The following ADAMTSL3 variants were observed in gnomAD, a reference collection of about 807,000 sequenced individuals.
The protein encoded by ADAMTSL3 is ADAMTS-like protein 3.
In ADAMTSL3, 128 loss-of-function variants were observed where a neutral mutation model predicts 201.7. That is an observed-to-expected ratio of 0.63 (90% confidence interval 0.55 to 0.73). The LOEUF (loss-of-function observed/expected upper bound fraction) is 0.73, where lower values mean the gene tolerates loss of function less well. Among genes scored for constraint, ADAMTSL3 ranks in the 30% least tolerant of loss-of-function variants. The probability of loss-of-function intolerance (pLI) is 0.00; values close to 1 mark genes in which losing one functional copy is unlikely to be tolerated. For synonymous variants in ADAMTSL3, 738 were observed against 748.4 expected, an observed-to-expected ratio of 0.99 and a Z score of 0.23; for missense variants, 1,990 against 2,119.6, an observed-to-expected ratio of 0.94 and a Z score of 1.20.
At chr15:83,802,493 T>A (rs926337537) in intron 4 of ADAMTSL3, among the ~76,000 whole-genome samples, 1 of 152,202 alleles carries the variant, frequency 6.6e-6, no homozygotes, top group East Asian at 1.9e-4. Flanking sequence ...GTTGTACATA[T>A]GTGCAATAGA....
At chr15:83,729,272 G>T (rs1847956234) in intron 3 of ADAMTSL3, among the ~76,000 whole-genome samples, 1 of 151,884 alleles carries the variant, frequency 6.6e-6, no homozygotes, top group Non-Finnish European at 1.5e-5. Flanking sequence ...TAAGCTTCTT[G>T]TACTTGAATA....
chr15:83,912,960 T>A (rs575922717), intron 15 of ADAMTSL3, 132 bp from the exon 16 acceptor site: 2 of 933,102 alleles, frequency 2.1e-6, no homozygotes, highest in African/African-American at 3.3e-5. Context: ...AAGTATAAAA[T>A]TCCAAATGTG....
At chr15:83,910,272 C>G (rs1237916120) in intron 15 of ADAMTSL3, among the ~76,000 whole-genome samples, 1 of 151,586 alleles carries the variant, frequency 6.6e-6, no homozygotes, top group Non-Finnish European at 1.5e-5. Context: ...CAGCCTGTTC[C>G]TCTGGTTGTG....
At chr15:83,868,141 A>G (rs569594102) in intron 8 of ADAMTSL3, among the ~76,000 whole-genome samples, 5 of 152,246 alleles carry the variant, frequency 3.3e-5, no homozygotes, top group Middle Eastern at 3.4e-3. Flanking sequence ...GGATGCTTAT[A>G]GGCTTCCTGG....
At chr15:83,733,307 T>TC (rs1229877884) in intron 3 of ADAMTSL3, among the ~76,000 whole-genome samples, 5 of 152,108 alleles carry the variant, frequency 3.3e-5, no homozygotes, top group African/African-American at 9.7e-5. Flanking sequence ...ACAAAACTAA[T>TC]CCTAATGTGA....
chr15:83,707,232 G>A (rs2061865703), intron 3 of ADAMTSL3, among the ~76,000 whole-genome samples: 1 of 152,170 alleles, frequency 6.6e-6, no homozygotes, highest in South Asian at 2.1e-4. Flanking sequence ...ATGAAATGGA[G>A]ATTTGGATGG....
intron 4 of ADAMTSL3, among the ~76,000 whole-genome samples, chr15:83,790,087 A>T (rs1446481575): frequency 6.6e-6 from 1 of 151,730 alleles, no homozygotes; most frequent in East Asian, 1.9e-4. Context: ...AATTGAATTT[A>T]TAGTATAAAA....
intron 2 of ADAMTSL3, among the ~76,000 whole-genome samples, chr15:83,701,996 A>G (rs948415461): frequency 1.3e-5 from 2 of 152,196 alleles, no homozygotes; most frequent in Non-Finnish European, 2.9e-5. Context: ...TGCCTTTACC[A>G]AAATGCTGAT....
chr15:83,801,821 A>G (rs2063529765), intron 4 of ADAMTSL3, among the ~76,000 whole-genome samples: 1 of 150,398 alleles, frequency 6.6e-6, no homozygotes, highest in Non-Finnish European at 1.5e-5. Flanking sequence ...ATCTGAAAAT[A>G]ATCAGCAGCA....
chr15:83,903,969 A>AGGGAGGAGGG, intron 15 of ADAMTSL3, among the ~76,000 whole-genome samples: 1 of 89,750 alleles, frequency 1.1e-5, no homozygotes, highest in Admixed American at 1.3e-4. Flanking sequence ...AGAAAGAAAG[A>AGGGAGGAGGG]AAAGGAGCTA....
chr15:83,830,764 ATCCAT>A (rs1280096119), intron 6 of ADAMTSL3, among the ~76,000 whole-genome samples: 1 of 152,188 alleles, frequency 6.6e-6, no homozygotes, highest in Non-Finnish European at 1.5e-5. Flanking sequence ...CTGAGGGAGA[ATCCAT>A]TCCTTGCCTC....
intron 16 of ADAMTSL3, among the ~76,000 whole-genome samples, chr15:83,916,387 TGAGACTCA>T (rs2066033254): frequency 6.6e-6 from 1 of 152,196 alleles, no homozygotes; most frequent in South Asian, 2.1e-4. Context: ...TTGAGGAAGC[TGAGACTCA>T]GAGTCCATCA....
chr15:83,692,766 A>G (rs11259916), intron 2 of ADAMTSL3, among the ~76,000 whole-genome samples: 118,288 of 151,252 alleles, frequency 0.78, 46,840 homozygotes, highest in African/African-American at 0.9. Context: ...TGATGTGTTC[A>G]CACTGAACAC....
chr15:83,685,731 C>T (rs1414416685), intron 2 of ADAMTSL3, among the ~76,000 whole-genome samples: 1 of 152,120 alleles, frequency 6.6e-6, no homozygotes, highest in Non-Finnish European at 1.5e-5. Flanking sequence ...ATTTCTTTCC[C>T]TCTTTCTCAA....
rs151303805 is a variant in ADAMTSL3, at chr15:83,830,578, G to GC, written c.601-7511_601-7510insC. 7.8e-3 allele frequency among the ~76,000 whole-genome samples: 1,185 copies of GC among 152,346 alleles called. 14 individuals are homozygous for GC. Among genetic ancestry groups the GC allele is most frequent in the African/African-American group, 0.027 (1,117 of 41,586 alleles). On this transcript the variant is annotated intron_variant, in intron 6 of 29. Transcript: ENST00000286744. ...TGGCAACAGCTGGCACAGCCTCAGT[G>GC]TGGTGTTGGAGTAGGCACTGGCAGG...
intron 23 of ADAMTSL3, among the ~76,000 whole-genome samples, chr15:84,006,898 G>A (rs550079264): frequency 6.6e-6 from 1 of 152,164 alleles, no homozygotes; most frequent in South Asian, 2.1e-4. Context: ...TGGGACTTAC[G>A]GAGTTTGAGG....
chr15:83,664,862 C>T (rs1383418088), intron 2 of ADAMTSL3, among the ~76,000 whole-genome samples: 1 of 152,122 alleles, frequency 6.6e-6, no homozygotes, highest in Non-Finnish European at 1.5e-5. Context: ...TGCTTGTAGT[C>T]CCAGCTACTT....
At chr15:83,811,186 C>T (rs1331066052) in intron 5 of ADAMTSL3, among the ~76,000 whole-genome samples, 2 of 152,130 alleles carry the variant, frequency 1.3e-5, no homozygotes, top group Admixed American at 1.3e-4. Flanking sequence ...ATAACATAGT[C>T]GCAGGTTCCA....
intron 3 of ADAMTSL3, among the ~76,000 whole-genome samples, chr15:83,737,531 C>T (rs1041650381): frequency 1.3e-5 from 2 of 152,188 alleles, no homozygotes; most frequent in African/African-American, 4.8e-5. Context: ...GCTTCTCCTT[C>T]TGCCATGCTT....
Sources: gnomAD v4.1 joint callset for allele counts (sites outside exome capture counted in the v4.1 genomes callset) on GRCh38, gnomAD v4.1.1 for gene constraint, MANE v1.5 for transcripts, NCBI Gene and HGNC (gene_info 2026-07-23, HGNC 2026-07-21) for gene names.